GIGYF2: variants seen among roughly 807,000 people sequenced by gnomAD.
GIGYF2 encodes the protein GRB10 interacting GYF protein 2.
In GIGYF2, 25 loss-of-function variants were observed where a neutral mutation model predicts 208.1. The ratio of observed to expected loss-of-function variants is 0.12; its 90% CI spans 0.09 to 0.17. The LOEUF (loss-of-function observed/expected upper bound fraction) is 0.17, where lower values mean the gene tolerates loss of function less well. Among genes scored for constraint, GIGYF2 ranks in the 10% least tolerant of loss-of-function variants. The pLI is 1.00. For synonymous variants in GIGYF2, 534 were observed against 543.8 expected (o/e 0.98, Z 0.25); for missense variants, 1,302 against 1,579.4 (o/e 0.82, Z 2.98).
chr2:232,720,617 C>T (rs9679089), intron 2 of GIGYF2, among the ~76,000 whole-genome samples: 45,645 of 147,204 alleles, frequency 0.31, 7,588 homozygotes, highest in South Asian at 0.62. Flanking sequence ...TTGTTTGAGA[C>T]GGAGGCTCAC....
At chr2:232,727,201 A>T (rs188184372) in intron 2 of GIGYF2, among the ~76,000 whole-genome samples, 3 of 152,250 alleles carry the variant, frequency 2.0e-5, no homozygotes, top group African/African-American at 7.2e-5. Flanking sequence ...CCTGGCCTCA[A>T]CTTGATTCAC....
chr2:232,779,459 C>T (rs564878834), intron 8 of GIGYF2, among the ~76,000 whole-genome samples: 1 of 152,290 alleles, frequency 6.6e-6, no homozygotes, highest in East Asian at 1.9e-4. Context: ...AGTGCGATTT[C>T]TGGCCTATGT....
intron 22 of GIGYF2, 181 bp downstream of exon 22, chr2:232,833,274 T>C (rs1338178647): frequency 7.5e-6 from 2 of 265,708 alleles, no homozygotes; most frequent in South Asian, 1.1e-4. Context: ...TGGAGTGCAG[T>C]GGTGCGATCT....
At chr2:232,714,349 A>G (rs1174253088) in intron 2 of GIGYF2, among the ~76,000 whole-genome samples, 1 of 152,148 alleles carries the variant, frequency 6.6e-6, no homozygotes, top group Non-Finnish European at 1.5e-5. Context: ...ATTTGTAGAT[A>G]ATGTTCTTCA....
chr2:232,784,482 C>A (rs1356918930), intron 8 of GIGYF2, among the ~76,000 whole-genome samples: 2 of 146,514 alleles, frequency 1.4e-5, no homozygotes, highest in Non-Finnish European at 3.0e-5. Context: ...CTCCACCTCC[C>A]AGGTTCATGC....
intron 8 of GIGYF2, among the ~76,000 whole-genome samples, chr2:232,774,487 A>G (rs556918189): frequency 2.0e-5 from 3 of 152,336 alleles, no homozygotes; most frequent in African/African-American, 7.2e-5. Context: ...ATGACATAAC[A>G]TTGCCAAGTT....
At chr2:232,709,507 C>A (rs1001753873) in intron 2 of GIGYF2, among the ~76,000 whole-genome samples, 7 of 152,100 alleles carry the variant, frequency 4.6e-5, no homozygotes, top group Non-Finnish European at 5.9e-5. Flanking sequence ...TTGCATTTTA[C>A]TTTTTAAAAT....
At chr2:232,784,284 C>G (rs559092381) in intron 8 of GIGYF2, among the ~76,000 whole-genome samples, 1 of 151,988 alleles carries the variant, frequency 6.6e-6, no homozygotes, top group East Asian at 1.9e-4. Flanking sequence ...AACAACATAG[C>G]AAGACCCCCA....
At chr2:232,724,714 A>C (rs569826733) in intron 2 of GIGYF2, 2 of 152,018 alleles carry the variant, frequency 1.3e-5, no homozygotes, top group Non-Finnish European at 2.9e-5. Context: ...ATACCTGGCT[A>C]ATTAAAATTT....
At chr2:232,708,809 T>G (rs1696252345) in intron 2 of GIGYF2, among the ~76,000 whole-genome samples, 1 of 151,184 alleles carries the variant, frequency 6.6e-6, no homozygotes, top group Non-Finnish European at 1.5e-5. Flanking sequence ...AGAATGAGAC[T>G]CTGTCTCAAA....
At chr2:232,813,205 TTTGAGACAGACTC>T (rs1700789670) in intron 18 of GIGYF2, among the ~76,000 whole-genome samples, 1 of 150,062 alleles carries the variant, frequency 6.7e-6, no homozygotes, top group South Asian at 2.1e-4. Flanking sequence ...TTTTTTTTTT[TTTGAGACAGACTC>T]TTGCACTGTT....
At chr2:232,824,143 T>G (rs756371754) in intron 21 of GIGYF2, among the ~76,000 whole-genome samples, 4 of 152,152 alleles carry the variant, frequency 2.6e-5, no homozygotes, top group Non-Finnish European at 4.4e-5. Context: ...GACCTCCCTA[T>G]TCGCTGAGAC....
intron 2 of GIGYF2, among the ~76,000 whole-genome samples, chr2:232,716,842 G>C (rs745589547): frequency 7.3e-5 from 11 of 151,578 alleles, no homozygotes; most frequent in Non-Finnish European, 1.2e-4. Context: ...GTCTCACTTT[G>C]TAGCCCAGGC....
chr2:232,768,111 A>G, intron 8 of GIGYF2: 1 of 1,433,144 alleles, frequency 7.0e-7, no homozygotes. Flanking sequence ...CATTGAAAAA[A>G]GAAAACATGA....
In GIGYF2 at chr2:232,857,261, A is replaced by C. The variant is rs374974898; in HGVS notation, c.*401A>C. On this transcript the variant is annotated 3_prime_UTR_variant, in exon 29 of 29. Transcript: ENST00000373563. ...GTTTTTTCTTCTTCTTTTTCCCCCCATCAGGGCAAATGGTCTAACTGGTGC... is the reference window on the plus strand; with the variant it reads ...GTTTTTTCTTCTTCTTTTTCCCCCCCTCAGGGCAAATGGTCTAACTGGTGC... 2.6e-4 allele frequency: 81 copies of C among 312,330 alleles called. 1 individual carries two copies. Among genetic ancestry groups the C allele is most frequent in the South Asian group, 2.3e-3 (77 of 33,638 alleles). The allele number at this position is 312,330 out of a possible 1,614,324, so 19.3% of individuals were successfully genotyped here.
rs774548392 is a variant in GIGYF2 at position 232,844,565 on chromosome 2, C to A, written c.3296C>A (p.Ala1099Asp). The A allele has an allele frequency of 3.7e-6, 6 of 1,610,330 alleles. No homozygotes were observed. Among genetic ancestry groups the A allele is most frequent in the East Asian group, 2.2e-5 (1 of 44,868 alleles). Residue 1099 changes from alanine to aspartate, a missense_variant, in exon 25 of 29, where the codon GCC (alanine) becomes GAC (aspartate). Transcript: ENST00000373563. ...RNSTNKNKNN[A>D]SLSKSVGVSN... is the part of the protein sequence containing the mutation. ...TCAACAAATAAAAATAAAAACAACGCCAGTCTCAGGTAGGGCTCAAAATGA... is the reference window on the plus strand; with the variant it reads ...TCAACAAATAAAAATAAAAACAACGACAGTCTCAGGTAGGGCTCAAAATGA...
At chr2:232,789,185 C>T (rs569823236) in intron 9 of GIGYF2, among the ~76,000 whole-genome samples, 3 of 152,138 alleles carry the variant, frequency 2.0e-5, no homozygotes, top group African/African-American at 4.8e-5. Context: ...TGTTTAGTTT[C>T]GTGAGTAAAA....
chr2:232,746,951 A>G (rs1698172669), intron 3 of GIGYF2, among the ~76,000 whole-genome samples: 1 of 152,140 alleles, frequency 6.6e-6, no homozygotes, highest in African/African-American at 2.4e-5. Context: ...GTATTTGTCA[A>G]TTTCATGTTT....
At chr2:232,719,745 C>T (rs1380806575) in intron 2 of GIGYF2, among the ~76,000 whole-genome samples, 2 of 152,154 alleles carry the variant, frequency 1.3e-5, no homozygotes, top group Non-Finnish European at 2.9e-5. Flanking sequence ...GACAAAAAGT[C>T]TAGCTTATAT....
Sources: gnomAD v4.1 joint callset for allele counts (sites outside exome capture counted in the v4.1 genomes callset) on GRCh38, gnomAD v4.1.1 for gene constraint, MANE v1.5 for transcripts, NCBI Gene and HGNC (gene_info 2026-07-23, HGNC 2026-07-21) for gene names.